The following MAP7D2 variants were observed in gnomAD, a reference collection of about 807,000 sequenced individuals.
The protein encoded by MAP7D2 is MAP7 domain containing 2.
Under a neutral mutation model 63.5 loss-of-function variants are expected in MAP7D2, and 33 were observed. The observed-to-expected ratio is 0.52, with a 90% CI of 0.39 to 0.70. The LOEUF (loss-of-function observed/expected upper bound fraction) is 0.70. Ranked by LOEUF, MAP7D2 falls within the 30% of genes least tolerant of loss-of-function variation. The probability of loss-of-function intolerance (pLI) is 0.00; values close to 1 mark genes in which losing one functional copy is unlikely to be tolerated. For synonymous variants in MAP7D2, 224 were observed against 223.7 expected (o/e 1.00, Z -0.01); for missense variants, 626 against 604.0 (o/e 1.04, Z -0.38).
intron 1 of MAP7D2, among the ~76,000 whole-genome samples, chrX:20,086,296 G>A (rs2065908406): frequency 9.0e-6 from 1 of 111,706 alleles, no homozygotes; most frequent in African/African-American, 3.3e-5. Context: ...GTGGGTCCAG[G>A]GCTGGGCCCA....
rs2073347196 is a variant in MAP7D2 at position 20,015,297 on chromosome X, C to T, written c.1675G>A (p.Val559Ile). 8.3e-7 allele frequency: 1 copy of T among 1,208,869 alleles called. No homozygotes were observed. Among genetic ancestry groups the T allele is most frequent in the African/African-American group, 1.8e-5 (1 of 57,139 alleles). ...CTCTCGAGACGCATCTGTTCAGCTA[C>T]CTCCCGGGCCTTTGTTTCTGCTGCT... is the stretch of plus-strand genomic sequence containing the variant. ...KEAAETKARE[V>I]AEQMRLEREQ... Residue 559 changes from valine (V) to isoleucine (I), a missense_variant, in exon 12 of 17, where the codon GTA becomes ATA. By Grantham distance (29) the Val-to-Ile change is conservative. Transcript: ENST00000379643.
chrX:20,094,549 TATATATATATATATATATAC>T lies in MAP7D2; in HGVS notation c.130+22181_130+22200del, dbSNP rs1386862754. Among the ~76,000 whole-genome samples, 21 of 9,942 alleles carry T rather than the reference TATATATATATATATATATAC, an allele frequency of 2.1e-3. 1 individual carries two copies. Among genetic ancestry groups the T allele is most frequent in the African/African-American group, 5.7e-3 (13 of 2,293 alleles). The allele number at this position is 9,942 out of a possible 115,157, so 8.6% of individuals were successfully genotyped here. ...ATATATATATATATATATGTATATA[TATATATATATATATATATAC>T]ATATATATGTATATATATATATATT... On this transcript the variant is annotated intron_variant, in intron 1 of 16. Coordinates refer to ENST00000379643, the MANE Select transcript of MAP7D2 (RefSeq NM_001168465.2).
At chrX:20,048,401 A>G (rs1242851610) in intron 6 of MAP7D2, among the ~76,000 whole-genome samples, 1 of 110,097 alleles carries the variant, frequency 9.1e-6, no homozygotes. Flanking sequence ...ACCAGAGAGG[A>G]CTCTGCAAGC....
rs1451523425 is a variant in MAP7D2 at position 20,093,244 on chromosome X, G to A, written c.130+23506C>T. On this transcript the variant is annotated intron_variant, in intron 1 of 16. Coordinates refer to ENST00000379643, the MANE Select transcript of MAP7D2 (RefSeq NM_001168465.2). ...TCATCCGGTTTGGGAGCTAATTAAGGAGAATTTAGAGCTAACCTGCTAATA... is the reference window on the plus strand; with the variant it reads ...TCATCCGGTTTGGGAGCTAATTAAGAAGAATTTAGAGCTAACCTGCTAATA... Among the ~76,000 whole-genome samples, 3 of 111,977 alleles carry A rather than the reference G, an allele frequency of 2.7e-5. No homozygotes were observed. In the East Asian group the frequency reaches 8.3e-4, roughly 31 times the overall value.
intron 16 of MAP7D2, among the ~76,000 whole-genome samples, chrX:20,009,533 G>A (rs1407474270): frequency 2.8e-5 from 3 of 108,488 alleles, no homozygotes; most frequent in African/African-American, 6.7e-5. Flanking sequence ...GCATGGCGGC[G>A]TGCACCTGTA....
intron 1 of MAP7D2, among the ~76,000 whole-genome samples, chrX:20,094,559 TATATATATAC>T (rs1569141287): frequency 0.028 from 414 of 14,703 alleles, 38 homozygotes; most frequent in African/African-American, 0.1. Flanking sequence ...TATATATATA[TATATATATAC>T]ATATATATGT....
At chrX:20,104,297 A>T (rs1480951873) in intron 1 of MAP7D2, among the ~76,000 whole-genome samples, 7 of 112,480 alleles carry the variant, frequency 6.2e-5, no homozygotes, top group African/African-American at 2.3e-4. Flanking sequence ...ATAATTTTTA[A>T]TGTTTAGTTT....
chrX:20,080,182 A>T (rs1464882004), intron 1 of MAP7D2, among the ~76,000 whole-genome samples: 1 of 110,687 alleles, frequency 9.0e-6, no homozygotes, highest in Non-Finnish European at 1.9e-5. Context: ...TAGTTAAAAG[A>T]AACCTATACA....
At chrX:20,074,631 G>A (rs994394155) in intron 1 of MAP7D2, among the ~76,000 whole-genome samples, 2 of 111,892 alleles carry the variant, frequency 1.8e-5, no homozygotes, top group African/African-American at 6.5e-5. Context: ...CAGGATGAGT[G>A]CTTTAATACA....
At chrX:20,054,882 C>T (rs1455737613) in intron 4 of MAP7D2, among the ~76,000 whole-genome samples, 2 of 112,161 alleles carry the variant, frequency 1.8e-5, no homozygotes, top group Middle Eastern at 9.3e-3. Context: ...ACGCCCAGCC[C>T]CCCTGCACCT....
chrX:20,107,665 G>A (rs764516766), intron 1 of MAP7D2, among the ~76,000 whole-genome samples: 2 of 110,886 alleles, frequency 1.8e-5, no homozygotes, highest in East Asian at 2.8e-4. Context: ...TAATTTCACC[G>A]TTTCTTTTTC....
intron 4 of MAP7D2, among the ~76,000 whole-genome samples, chrX:20,054,400 T>C (rs1420502035): frequency 1.8e-5 from 2 of 111,795 alleles, no homozygotes; most frequent in Non-Finnish European, 3.8e-5. Context: ...TTGTTTATTA[T>C]GGATTGTTTT....
At position 20,064,885 on chromosome X, in the gene MAP7D2, G is replaced by A. The variant is rs751636981; in HGVS notation, c.131-80C>T. ...TAAGTACTATAGGCAACTGGGCATGGCACCCGAGTCTGACTGCACGTGCAC... is the reference window on the plus strand; with the variant it reads ...TAAGTACTATAGGCAACTGGGCATGACACCCGAGTCTGACTGCACGTGCAC... On this transcript the variant is annotated intron_variant, in intron 1 of 16. Coordinates refer to ENST00000379643, the MANE Select transcript of MAP7D2 (RefSeq NM_001168465.2). The A allele has an allele frequency of 4.4e-4, 372 of 852,579 alleles. 1 individual carries two copies. The highest frequency in any genetic ancestry group is 5.4e-4 in the Non-Finnish European group (311 of 578,946). The allele number at this position is 852,579 out of a possible 1,213,427, so 70.3% of individuals were successfully genotyped here.
intron 1 of MAP7D2, among the ~76,000 whole-genome samples, chrX:20,104,130 A>C (rs1000417356): frequency 8.9e-6 from 1 of 111,874 alleles, no homozygotes; most frequent in Admixed American, 9.5e-5. Context: ...GGATATGTGG[A>C]GCTCAATGGA....
At position 20,013,636 on chromosome X, in the gene MAP7D2, AAAAC is replaced by A; in HGVS notation, c.1750-15_1750-12del. ...GATTTCATCTATTCTCTAAAAACAA[AAAAC>A]AAAAAACAAAATCAAGTAAGAGGAC... is the stretch of plus-strand genomic sequence containing the variant. On this transcript the variant is annotated splice_polypyrimidine_tract_variant and intron_variant, in intron 12 of 16. Transcript: ENST00000379643. 3.6e-6 allele frequency: 4 copies of A among 1,124,711 alleles called. No individual in the cohort carries two copies. The allele number at this position is 1,124,711 out of a possible 1,213,427, so 92.7% of individuals were successfully genotyped here.
At chrX:20,049,410 T>A (rs747444014) in intron 6 of MAP7D2, among the ~76,000 whole-genome samples, 1 of 108,892 alleles carries the variant, frequency 9.2e-6, no homozygotes, top group African/African-American at 3.3e-5. Flanking sequence ...TAGCTGGGAT[T>A]ACAGGTGTGC....
chrX:20,034,744 G>A (rs1183458986), intron 8 of MAP7D2, among the ~76,000 whole-genome samples: 3 of 111,597 alleles, frequency 2.7e-5, no homozygotes, highest in Admixed American at 9.5e-5. Context: ...CCCAGCCTCC[G>A]GAACTGTGAG....
chrX:20,010,699 G>C, intron 16 of MAP7D2, 78 bp downstream of exon 16: 2 of 899,164 alleles, frequency 2.2e-6, no homozygotes, highest in Non-Finnish European at 3.1e-6. Flanking sequence ...CCATCCAAGA[G>C]GCTGAGTGAT....
At chrX:20,095,169 T>C (rs1272530520) in intron 1 of MAP7D2, among the ~76,000 whole-genome samples, 1 of 111,582 alleles carries the variant, frequency 9.0e-6, no homozygotes, top group Admixed American at 9.5e-5. Flanking sequence ...AAGAATGAAA[T>C]TTATGTTATT....
Sources: allele counts gnomAD v4.1 joint callset (sites outside exome capture counted in the v4.1 genomes callset), GRCh38; gene constraint gnomAD v4.1.1; transcripts MANE v1.5; gene names NCBI Gene and HGNC (gene_info 2026-07-23, HGNC 2026-07-21).